The following ATP2B1 variants were observed in gnomAD, a reference collection of about 807,000 sequenced individuals.
ATP2B1 encodes plasma membrane calcium-transporting ATPase 1.
In ATP2B1, 14 loss-of-function variants were observed where a neutral mutation model predicts 124.2. That is an observed-to-expected ratio of 0.11 (90% CI 0.07 to 0.18). ATP2B1 has a LOEUF of 0.18. Among genes scored for constraint, ATP2B1 ranks in the 10% least tolerant of loss-of-function variants. The probability of loss-of-function intolerance (pLI) is 1.00; values close to 1 mark genes in which losing one functional copy is unlikely to be tolerated. For missense variants in ATP2B1, 763 were observed against 1,466.1 expected (o/e 0.52, Z 7.83); for synonymous variants, 449 against 492.4 (o/e 0.91, Z 1.17).
intron 19 of ATP2B1, among the ~76,000 whole-genome samples, chr12:89,600,805 T>A (rs534827045): frequency 2.6e-5 from 4 of 152,076 alleles, no homozygotes; most frequent in Admixed American, 2.0e-4. Context: ...CCTGCCACCA[T>A]GCCCAGCTAA....
chr12:89,619,736 A>G (rs1879657954), intron 11 of ATP2B1, among the ~76,000 whole-genome samples: 1 of 152,168 alleles, frequency 6.6e-6, no homozygotes, highest in Admixed American at 6.5e-5. Flanking sequence ...TAAACATCAA[A>G]GTATACTTCA....
rs1325859534 is a variant in ATP2B1 at position 89,617,055 on chromosome 12, G to A, written c.1830-16C>T. 3.2e-6 allele frequency: 5 copies of A among 1,579,834 alleles called. No homozygotes were observed. Among genetic ancestry groups the A allele is most frequent in the Non-Finnish European group, 4.4e-6 (5 of 1,149,258 alleles). ...TTTGAAACACCTAAAAGGAAATGTT[G>A]AATCCAAACATCAATAATTTAAAAA... is the stretch of plus-strand genomic sequence containing the variant. On this transcript the variant is annotated splice_polypyrimidine_tract_variant and intron_variant, in intron 11 of 20. Coordinates refer to ENST00000428670, the MANE Select transcript of ATP2B1 (RefSeq NM_001366521.1).
At chr12:89,632,279 T>A (rs935395184) in intron 5 of ATP2B1, among the ~76,000 whole-genome samples, 1 of 152,238 alleles carries the variant, frequency 6.6e-6, no homozygotes, top group African/African-American at 2.4e-5. Flanking sequence ...AGTACGCTCA[T>A]AAAATATATG....
intron 3 of ATP2B1, among the ~76,000 whole-genome samples, chr12:89,639,526 A>C (rs375068103): frequency 2.5e-4 from 38 of 150,558 alleles, no homozygotes; most frequent in South Asian, 1.0e-3. Context: ...GTCTCTCTCT[A>C]TATATTTTAT....
chr12:89,632,813 T>C (rs1341353731), intron 5 of ATP2B1, among the ~76,000 whole-genome samples: 1 of 152,200 alleles, frequency 6.6e-6, no homozygotes, highest in Non-Finnish European at 1.5e-5. Context: ...GTTATTTCAG[T>C]CTTTTCTTAA....
intron 1 of ATP2B1, among the ~76,000 whole-genome samples, chr12:89,680,320 A>G (rs2136627620): frequency 6.6e-6 from 1 of 152,324 alleles, no homozygotes; most frequent in Admixed American, 6.5e-5. Context: ...TATTAACAAC[A>G]GAAACAAAAA....
At chr12:89,671,228 CTGAA>C (rs888147230) in intron 1 of ATP2B1, among the ~76,000 whole-genome samples, 3 of 151,956 alleles carry the variant, frequency 2.0e-5, no homozygotes, top group African/African-American at 7.3e-5. Flanking sequence ...ATTAGGTAGA[CTGAA>C]TGAGTCAGTT....
At chr12:89,608,083 C>T (rs1337647749) in intron 15 of ATP2B1, among the ~76,000 whole-genome samples, 1 of 152,048 alleles carries the variant, frequency 6.6e-6, no homozygotes, top group Non-Finnish European at 1.5e-5. Flanking sequence ...TGTACAAATG[C>T]AAAACCAAAG....
intron 1 of ATP2B1, among the ~76,000 whole-genome samples, chr12:89,658,598 G>GAGAGAGAGAGAGA (rs1886258752): frequency 8.6e-5 from 6 of 69,584 alleles, no homozygotes; most frequent in African/African-American, 3.0e-4. Context: ...AATTCAAACA[G>GAGAGAGAGAGAGA]GAGAGAGAGA....
At chr12:89,666,820 G>T (rs1310851849) in intron 1 of ATP2B1, among the ~76,000 whole-genome samples, 1 of 151,742 alleles carries the variant, frequency 6.6e-6, no homozygotes, top group African/African-American at 2.4e-5. Context: ...CTCTTTCCAG[G>T]GTCCTCAAGT....
Position 89,603,020 on chromosome 12 carries a change from AAC to A in ATP2B1, c.3060+21_3060+22del. 6.2e-7 allele frequency: 1 copy of A among 1,605,376 alleles called. No individual in the cohort carries two copies. The highest frequency in any genetic ancestry group is 8.5e-7 in the Non-Finnish European group (1 of 1,173,630). ...TCTCCCATTTAACAGGCAAATTTGA[AAC>A]TATCTTTTCCAATTACCCACCTGTA... On this transcript the variant is annotated intron_variant, in intron 18 of 20. Coordinates refer to ENST00000428670, the MANE Select transcript of ATP2B1 (RefSeq NM_001366521.1). This position sits in a 1 kb window ranked among gnomAD's most constrained non-coding sequence, Gnocchi z 4.3.
intron 1 of ATP2B1, among the ~76,000 whole-genome samples, chr12:89,668,740 GTACTGA>G (rs1473002263): frequency 6.6e-6 from 1 of 152,156 alleles, no homozygotes; most frequent in Non-Finnish European, 1.5e-5. Context: ...AACAGAGGAG[GTACTGA>G]TACTGACAGC....
At chr12:89,608,343 T>G (rs986804234) in intron 15 of ATP2B1, among the ~76,000 whole-genome samples, 1 of 152,012 alleles carries the variant, frequency 6.6e-6, no homozygotes, top group Non-Finnish European at 1.5e-5. Flanking sequence ...AATTTTTGTA[T>G]GTTTTTTTTT....
intron 1 of ATP2B1, among the ~76,000 whole-genome samples, chr12:89,665,315 G>A (rs1887177071): frequency 6.6e-6 from 1 of 151,992 alleles, no homozygotes; most frequent in Non-Finnish European, 1.5e-5. Context: ...AAAAAATGTG[G>A]AGACTCATAT....
chr12:89,604,405 C>A (rs1345630129), intron 15 of ATP2B1, 59 bp from the exon 16 acceptor site: 7 of 1,323,414 alleles, frequency 5.3e-6, no homozygotes, highest in African/African-American at 1.5e-5. Flanking sequence ...TTCAAATAGT[C>A]AAAAAATACA....
At chr12:89,669,803 T>C (rs1041828431) in intron 1 of ATP2B1, among the ~76,000 whole-genome samples, 1 of 152,206 alleles carries the variant, frequency 6.6e-6, no homozygotes. Context: ...CTGGGTGATA[T>C]AGAAGGCACA....
intron 3 of ATP2B1, among the ~76,000 whole-genome samples, chr12:89,637,077 G>C (rs981470040): frequency 1.3e-5 from 2 of 152,176 alleles, no homozygotes; most frequent in Non-Finnish European, 2.9e-5. Flanking sequence ...TGGAAACACA[G>C]CTAACATATT....
At chr12:89,607,263 C>T (rs1877098550) in intron 15 of ATP2B1, among the ~76,000 whole-genome samples, 1 of 152,172 alleles carries the variant, frequency 6.6e-6, no homozygotes, top group Non-Finnish European at 1.5e-5. Context: ...AGCTTCGTAT[C>T]TCATTACAGC....
chr12:89,669,352 C>T (rs1382620234), intron 1 of ATP2B1, among the ~76,000 whole-genome samples: 1 of 152,166 alleles, frequency 6.6e-6, no homozygotes, highest in Admixed American at 6.5e-5. Context: ...CAAGGCCCAT[C>T]TCAGGTGCCA....
Sources: gnomAD v4.1 joint callset for allele counts (sites outside exome capture counted in the v4.1 genomes callset) on GRCh38, gnomAD v4.1.1 for gene constraint, Gnocchi (gnomAD v3.1) non-coding constraint, MANE v1.5 for transcripts, NCBI Gene and HGNC (gene_info 2026-07-23, HGNC 2026-07-21) for gene names.